The following CLVS1 variants were observed in gnomAD, a reference collection of about 807,000 sequenced individuals.
CLVS1 encodes the protein clavesin-1.
A neutral mutation model predicts 33.1 loss-of-function variants in CLVS1; 10 were observed. That is an observed-to-expected ratio of 0.30 (90% confidence interval 0.19 to 0.51). The LOEUF is 0.51. CLVS1 is among the 20% of genes least tolerant of loss of function. The probability of loss-of-function intolerance (pLI) is 0.97; values close to 1 mark genes in which losing one functional copy is unlikely to be tolerated. For synonymous variants in CLVS1, 163 were observed against 166.1 expected (o/e 0.98, Z 0.14); for missense variants, 343 against 433.4 (o/e 0.79, Z 1.85).
intron 1 of CLVS1, among the ~76,000 whole-genome samples, chr8:61,087,145 C>T (rs556520194): frequency 1.8e-4 from 27 of 152,234 alleles, no homozygotes; most frequent in African/African-American, 6.5e-4. Flanking sequence ...CTGGACAGGA[C>T]AAGAGAGAAT....
At chr8:61,249,293 G>A (rs1450281706) in intron 2 of CLVS1, among the ~76,000 whole-genome samples, 2 of 152,116 alleles carry the variant, frequency 1.3e-5, no homozygotes, top group Non-Finnish European at 2.9e-5. Context: ...GTGTATATGT[G>A]CCACATTTTC....
intron 2 of CLVS1, among the ~76,000 whole-genome samples, chr8:61,204,852 C>G (rs764350252): frequency 1.3e-5 from 2 of 152,104 alleles, no homozygotes; most frequent in African/African-American, 4.8e-5. Context: ...ATTCCCCCAC[C>G]AAAAAGCAAA....
the CLVS1 span, among the ~76,000 whole-genome samples, chr8:61,033,273 T>A: frequency 4.6e-5 from 7 of 152,202 alleles, no homozygotes; most frequent in Non-Finnish European, 1.0e-4. Context: ...TTAGCTCTTC[T>A]AAGTCTAAGG....
the CLVS1 span, among the ~76,000 whole-genome samples, chr8:61,026,881 G>T: frequency 2.0e-5 from 3 of 152,236 alleles, no homozygotes; most frequent in African/African-American, 7.2e-5. Flanking sequence ...ATGCCACCCA[G>T]ACAGAAGGCT....
chr8:61,005,623 T>C, the CLVS1 span, among the ~76,000 whole-genome samples: 1 of 152,202 alleles, frequency 6.6e-6, no homozygotes, highest in Non-Finnish European at 1.5e-5. Flanking sequence ...GTAACAAGTA[T>C]GGACGGAGCA....
chr8:61,489,587 TA>T (rs1169643812), intron 5 of CLVS1, among the ~76,000 whole-genome samples: 1 of 152,228 alleles, frequency 6.6e-6, no homozygotes, highest in Non-Finnish European at 1.5e-5. Context: ...GAAGATTAAA[TA>T]AAGATAATGC....
chr8:61,130,528 A>G (rs536460829), intron 1 of CLVS1, among the ~76,000 whole-genome samples: 1 of 152,218 alleles, frequency 6.6e-6, no homozygotes, highest in Non-Finnish European at 1.5e-5. Context: ...AGAAGCCAAC[A>G]GAATGAATTA....
intron 2 of CLVS1, among the ~76,000 whole-genome samples, chr8:61,369,408 A>G (rs1355758336): frequency 1.3e-5 from 2 of 152,218 alleles, no homozygotes; most frequent in Admixed American, 6.5e-5. Flanking sequence ...TGAATTATGT[A>G]AGAGTTATTA....
intron 2 of CLVS1, among the ~76,000 whole-genome samples, chr8:61,246,724 T>C (rs1416337870): frequency 6.6e-6 from 1 of 152,170 alleles, no homozygotes; most frequent in Non-Finnish European, 1.5e-5. Context: ...AGTTTTTGTT[T>C]GTCAGAAAAT....
chr8:61,304,992 C>T (rs1335127942), intron 2 of CLVS1, among the ~76,000 whole-genome samples: 1 of 152,090 alleles, frequency 6.6e-6, no homozygotes, highest in East Asian at 1.9e-4. Flanking sequence ...ACCCCGATGG[C>T]CAGCTTCCAA....
At chr8:60,992,027 C>T in the CLVS1 span, among the ~76,000 whole-genome samples, 2 of 152,156 alleles carry the variant, frequency 1.3e-5, no homozygotes. Flanking sequence ...GGATTACAGG[C>T]GTGAGCCACC....
At chr8:61,232,427 C>T (rs368060845) in intron 2 of CLVS1, among the ~76,000 whole-genome samples, 1 of 152,026 alleles carries the variant, frequency 6.6e-6, no homozygotes, top group African/African-American at 2.4e-5. Context: ...TTTGGGAGGC[C>T]ACGTTTGGGA....
intron 1 of CLVS1, among the ~76,000 whole-genome samples, chr8:61,296,835 G>A (rs1810230687): frequency 6.6e-6 from 1 of 152,142 alleles, no homozygotes; most frequent in South Asian, 2.1e-4. Context: ...TCTGCCCATG[G>A]AGCTGACTCT....
intron 1 of CLVS1, among the ~76,000 whole-genome samples, chr8:61,064,314 G>A (rs1804635549): frequency 6.6e-6 from 1 of 152,146 alleles, no homozygotes; most frequent in Non-Finnish European, 1.5e-5. Context: ...TTTCACAGAC[G>A]CTGCACCATT....
intron 1 of CLVS1, among the ~76,000 whole-genome samples, chr8:61,096,195 A>AGCTCAACTCAAACTC (rs1363681143): frequency 6.6e-6 from 1 of 152,236 alleles, no homozygotes; most frequent in Non-Finnish European, 1.5e-5. Flanking sequence ...AAATTGAAAC[A>AGCTCAACTCAAACTC]GCTCAACTCA....
chr8:61,419,452 A>G (rs1815570268), intron 3 of CLVS1, among the ~76,000 whole-genome samples: 1 of 152,070 alleles, frequency 6.6e-6, no homozygotes, highest in Non-Finnish European at 1.5e-5. Context: ...TGAGAAAGAA[A>G]ATAATGAGGG....
the CLVS1 span, among the ~76,000 whole-genome samples, chr8:61,031,638 C>A: frequency 2.0e-5 from 3 of 152,266 alleles, no homozygotes; most frequent in South Asian, 4.1e-4. Context: ...GAACACAGAA[C>A]TGCACGGCAG....
intron 2 of CLVS1, among the ~76,000 whole-genome samples, chr8:61,190,938 C>A (rs1041122497): frequency 3.3e-5 from 5 of 152,144 alleles, no homozygotes; most frequent in Non-Finnish European, 5.9e-5. Flanking sequence ...TGAATTCTAC[C>A]AGAGGTACAA....
At chr8:61,098,861 A>G (rs1805399304) in intron 1 of CLVS1, among the ~76,000 whole-genome samples, 1 of 152,172 alleles carries the variant, frequency 6.6e-6, no homozygotes, top group Non-Finnish European at 1.5e-5. Context: ...GCTTCAATAT[A>G]CTGAACAGTT....
Sources: gnomAD v4.1 joint callset for allele counts (sites outside exome capture counted in the v4.1 genomes callset) on GRCh38, gnomAD v4.1.1 for gene constraint, MANE v1.5 for transcripts, NCBI Gene and HGNC (gene_info 2026-07-23, HGNC 2026-07-21) for gene names.